Variants in PRDM6 observed in about 807,000 individuals in gnomAD.
PRDM6 encodes the protein PR/SET domain 6.
PRDM6 carries 25 observed loss-of-function variants against 60.8 expected under a neutral mutation model. The ratio of observed to expected loss-of-function variants is 0.41; its 90% CI spans 0.30 to 0.57. The LOEUF (loss-of-function observed/expected upper bound fraction) is 0.57, where lower values mean the gene tolerates loss of function less well. Ranked by LOEUF, PRDM6 falls within the 20% of genes least tolerant of loss-of-function variation. The pLI is 0.27. For missense variants in PRDM6, 839 were observed against 821.3 expected (o/e 1.02, Z -0.26); for synonymous variants, 407 against 357.4 (o/e 1.14, Z -1.57).
chr5:123,107,119 T>A (rs182295276), intron 3 of PRDM6, among the ~76,000 whole-genome samples: 224 of 152,286 alleles, frequency 1.5e-3, no homozygotes, highest in Middle Eastern at 0.01. Context: ...GTTTTTGGAG[T>A]TGAATTGTAC....
rs897957228 is a variant in PRDM6 at position 123,159,057 on chromosome 5, A to G, written c.1029-457A>G. On this transcript the variant is annotated intron_variant, in intron 4 of 7. Coordinates refer to ENST00000407847, the MANE Select transcript of PRDM6 (RefSeq NM_001136239.4). ...TATTTCCCTGAGTCCTTATATCACAAAGCTGCTTAATTTTATTACAAATTT... is the reference window on the plus strand; with the variant it reads ...TATTTCCCTGAGTCCTTATATCACAGAGCTGCTTAATTTTATTACAAATTT... 2.0e-5 allele frequency among the ~76,000 whole-genome samples: 3 copies of G among 152,248 alleles called. No individual in the cohort carries two copies. In the South Asian group the frequency reaches 6.2e-4, roughly 32 times the overall value.
intron 3 of PRDM6, among the ~76,000 whole-genome samples, chr5:123,140,775 G>T (rs1272364622): frequency 6.6e-6 from 1 of 152,068 alleles, no homozygotes; most frequent in Non-Finnish European, 1.5e-5. Context: ...CTTTCTTCTG[G>T]TGCATAGGAT....
intron 5 of PRDM6, among the ~76,000 whole-genome samples, chr5:123,168,816 C>CA (rs1245809023): frequency 6.6e-6 from 1 of 152,254 alleles, no homozygotes; most frequent in Non-Finnish European, 1.5e-5. Flanking sequence ...ATTTGCTTAA[C>CA]ACATGTGATG....
At chr5:123,147,861 A>G (rs866891410) in intron 3 of PRDM6, among the ~76,000 whole-genome samples, 1 of 152,250 alleles carries the variant, frequency 6.6e-6, no homozygotes, top group African/African-American at 2.4e-5. Flanking sequence ...CAGGCTTCAT[A>G]TCGACGGCTG....
Position 123,188,344 on chromosome 5 carries a change from T to G in PRDM6, c.*1143T>G, listed in dbSNP as rs146719193. On this transcript the variant is annotated 3_prime_UTR_variant, in exon 8 of 8. Transcript: ENST00000407847. ...GAGCAGCTAATTTTATCAATAGGATTACTTTGTCTTTTCTTGAGATTGATT... is the reference window on the plus strand; with the variant it reads ...GAGCAGCTAATTTTATCAATAGGATGACTTTGTCTTTTCTTGAGATTGATT... 1 of 152,346 alleles carries G rather than the reference T, an allele frequency of 6.6e-6. No homozygotes were observed. Among genetic ancestry groups the G allele is most frequent in the East Asian group, 1.9e-4 (1 of 5,184 alleles). 9.4% of individuals were successfully genotyped at this position (152,346 alleles called of 1,614,324 possible).
intron 7 of PRDM6, 75 bp downstream of exon 7, chr5:123,180,398 G>A: frequency 7.1e-7 from 1 of 1,417,950 alleles, no homozygotes; most frequent in Admixed American, 2.6e-5. Context: ...TCAGCACAGT[G>A]CTGCCTGGCT....
At chr5:123,149,446 A>T (rs1765325729) in intron 3 of PRDM6, among the ~76,000 whole-genome samples, 2 of 152,310 alleles carry the variant, frequency 1.3e-5, no homozygotes, top group South Asian at 4.1e-4. Flanking sequence ...GAGATCAAGC[A>T]ATCCTATATG....
chr5:123,162,741 C>G (rs7727593), intron 5 of PRDM6, among the ~76,000 whole-genome samples: 2,118 of 152,266 alleles, frequency 0.014, 60 homozygotes, highest in African/African-American at 0.049. Flanking sequence ...AGTCATATAT[C>G]TGTCATGTGA....
intron 3 of PRDM6, among the ~76,000 whole-genome samples, chr5:123,115,470 G>A (rs1350835180): frequency 6.6e-6 from 1 of 152,050 alleles, no homozygotes; most frequent in African/African-American, 2.4e-5. Flanking sequence ...ACGTTCACAC[G>A]CACACACTGT....
At chr5:123,180,399 C>A in intron 7 of PRDM6, 76 bp downstream of exon 7, 1 of 1,412,312 alleles carries the variant, frequency 7.1e-7, no homozygotes, top group Non-Finnish European at 9.5e-7. Context: ...CAGCACAGTG[C>A]TGCCTGGCTT....
chr5:123,114,910 C>A (rs538735635), intron 3 of PRDM6, among the ~76,000 whole-genome samples: 3 of 152,178 alleles, frequency 2.0e-5, no homozygotes, highest in Non-Finnish European at 4.4e-5. Context: ...TGGTGGAGAA[C>A]AGTCTGTAGT....
chr5:123,118,527 C>T (rs574590413), intron 3 of PRDM6, among the ~76,000 whole-genome samples: 24 of 152,160 alleles, frequency 1.6e-4, no homozygotes, highest in Non-Finnish European at 3.1e-4. Flanking sequence ...GCAAGTTTCA[C>T]CACCATCCAA....
chr5:123,132,434 A>G (rs1214128602), intron 3 of PRDM6, among the ~76,000 whole-genome samples: 1 of 151,926 alleles, frequency 6.6e-6, no homozygotes, highest in East Asian at 1.9e-4. Flanking sequence ...CCTCTTTCTA[A>G]CTTATCAAAG....
At chr5:123,140,548 T>C (rs749437000) in intron 3 of PRDM6, among the ~76,000 whole-genome samples, 15 of 152,144 alleles carry the variant, frequency 9.9e-5, no homozygotes, top group Non-Finnish European at 1.9e-4. Context: ...GAAAAAAAGA[T>C]ATTTGTTGGA....
At chr5:123,114,092 C>T (rs926197466) in intron 3 of PRDM6, among the ~76,000 whole-genome samples, 46 of 152,212 alleles carry the variant, frequency 3.0e-4, no homozygotes, top group African/African-American at 1.1e-3. Flanking sequence ...GAGGTGACTT[C>T]CCGCCAGAAA....
At chr5:123,109,518 G>A (rs527951624) in intron 3 of PRDM6, among the ~76,000 whole-genome samples, 5 of 152,090 alleles carry the variant, frequency 3.3e-5, no homozygotes, top group African/African-American at 7.2e-5. Flanking sequence ...ATGATACATC[G>A]TTTGGATTTA....
intron 5 of PRDM6, among the ~76,000 whole-genome samples, chr5:123,161,245 T>C (rs2126876662): frequency 6.6e-6 from 1 of 152,304 alleles, no homozygotes. Context: ...CATTCATTGT[T>C]CAGATGTGTA....
chr5:123,179,066 A>G (rs1561884508), intron 6 of PRDM6, among the ~76,000 whole-genome samples: 3 of 152,232 alleles, frequency 2.0e-5, no homozygotes, highest in Non-Finnish European at 4.4e-5. Flanking sequence ...CTGTCAAGGA[A>G]TGATATGAAA....
At chr5:123,112,363 G>A (rs2150213496) in intron 3 of PRDM6, among the ~76,000 whole-genome samples, 1 of 152,318 alleles carries the variant, frequency 6.6e-6, no homozygotes, top group South Asian at 2.1e-4. Context: ...GAACCCATAT[G>A]TTCCTTGCAT....
Sources: allele counts gnomAD v4.1 joint callset (sites outside exome capture counted in the v4.1 genomes callset), GRCh38; gene constraint gnomAD v4.1.1; transcripts MANE v1.5; gene names NCBI Gene and HGNC (gene_info 2026-07-23, HGNC 2026-07-21).